Variants in TAF3 observed in about 807,000 individuals in gnomAD.
TAF3 encodes the protein TATA-box binding protein associated factor 3.
TAF3 carries 7 observed loss-of-function variants against 80.6 expected under a neutral mutation model. That is an observed-to-expected ratio of 0.09 (90% CI 0.05 to 0.16). TAF3 has a LOEUF of 0.16. TAF3 is among the 10% of genes least tolerant of loss of function. The pLI, the probability that TAF3 is intolerant of heterozygous loss-of-function variation, is 1.00. For missense variants in TAF3, 921 were observed against 1,140.2 expected, an observed-to-expected ratio of 0.81 and a Z score of 2.77; for synonymous variants, 444 against 446.1, an observed-to-expected ratio of 1.00 and a Z score of 0.06.
chr10:7,978,123 A>G (rs1305953351), intron 4 of TAF3, among the ~76,000 whole-genome samples: 1 of 152,196 alleles, frequency 6.6e-6, no homozygotes, highest in African/African-American at 2.4e-5. Context: ...AAATTCTACA[A>G]CCTTACTTTT....
At chr10:7,857,460 T>C (rs1410466767) in intron 2 of TAF3, among the ~76,000 whole-genome samples, 1 of 152,206 alleles carries the variant, frequency 6.6e-6, no homozygotes, top group African/African-American at 2.4e-5. Context: ...AGAGTAGCCA[T>C]GGGTACCCCC....
intron 2 of TAF3, among the ~76,000 whole-genome samples, chr10:7,940,712 T>C (rs1837967993): frequency 6.6e-6 from 1 of 152,310 alleles, no homozygotes; most frequent in Admixed American, 6.5e-5. Flanking sequence ...CCTAGCACTT[T>C]GGGAGGCTGA....
intron 2 of TAF3, among the ~76,000 whole-genome samples, chr10:7,879,759 T>C (rs1467840857): frequency 6.6e-6 from 1 of 152,232 alleles, no homozygotes. Context: ...AAAATATTGT[T>C]TTGATTTTGG....
intron 2 of TAF3, among the ~76,000 whole-genome samples, chr10:7,832,708 C>A (rs934112909): frequency 6.6e-6 from 1 of 152,108 alleles, no homozygotes; most frequent in Admixed American, 6.5e-5. Flanking sequence ...CACCACCACA[C>A]CCGGCTAATT....
chr10:8,000,378 A>AAGTGCTG lies in TAF3; in HGVS notation c.2316-8699_2316-8693dup, dbSNP rs561123275. On this transcript the variant is annotated intron_variant, in intron 4 of 6. Transcript: ENST00000344293. The stretch of plus-strand genomic sequence containing the variant: ...GTGATCCGCCTGTGTTGGCCTCCCA[A>AAGTGCTG]AGTGCTGGGATTACAAGTGTGAGCC... 3.0e-3 allele frequency among the ~76,000 whole-genome samples: 455 copies of AAGTGCTG among 152,122 alleles called. 2 individuals are homozygous for AAGTGCTG. Among genetic ancestry groups the AAGTGCTG allele is most frequent in the African/African-American group, 0.01 (421 of 41,518 alleles).
At chr10:7,828,389 T>C (rs1836764806) in intron 2 of TAF3, among the ~76,000 whole-genome samples, 1 of 152,192 alleles carries the variant, frequency 6.6e-6, no homozygotes, top group African/African-American at 2.4e-5. Context: ...GATGAGGAGA[T>C]GATGTGGAAG....
chr10:7,865,332 A>G (rs1460403956), intron 2 of TAF3, among the ~76,000 whole-genome samples: 1 of 152,140 alleles, frequency 6.6e-6, no homozygotes, highest in East Asian at 1.9e-4. Context: ...ACAAAAAATT[A>G]GCCAGGTATG....
intron 4 of TAF3, among the ~76,000 whole-genome samples, chr10:8,006,526 G>A (rs1232318689): frequency 6.6e-6 from 1 of 152,218 alleles, no homozygotes; most frequent in Non-Finnish European, 1.5e-5. Context: ...CATTTATGAA[G>A]TGTCTGCTGC....
chr10:8,004,336 A>G (rs1831972514), intron 4 of TAF3, among the ~76,000 whole-genome samples: 3 of 152,178 alleles, frequency 2.0e-5, no homozygotes, highest in African/African-American at 4.8e-5. Flanking sequence ...GCATGAGCCA[A>G]TGTGCCTGGT....
In TAF3 at chr10:7,863,626, A is replaced by AT. The variant is rs1554778359; in HGVS notation, c.409+39066_409+39067insT. On this transcript the variant is annotated intron_variant, in intron 2 of 6. Coordinates refer to ENST00000344293, the MANE Select transcript of TAF3 (RefSeq NM_031923.4). Reference sequence around the variant, plus strand: ...CTCTGTCTAAAAAAAAAAAAAAAAAAATATATATATATATATATATACACA... The same window carrying AT: ...CTCTGTCTAAAAAAAAAAAAAAAAAATATATATATATATATATATATACACA... Among the ~76,000 whole-genome samples, 316 of 48,098 alleles carry AT rather than the reference A, an allele frequency of 6.6e-3. 40 individuals carry two copies. Among genetic ancestry groups the AT allele is most frequent in the Non-Finnish European group, 8.0e-3 (205 of 25,658 alleles). 31.6% of individuals were successfully genotyped at this position (48,098 alleles called of 152,430 possible).
intron 2 of TAF3, among the ~76,000 whole-genome samples, chr10:7,953,270 T>G (rs1381174936): frequency 3.9e-5 from 6 of 152,180 alleles, no homozygotes. Context: ...CACAGCAACA[T>G]TTTAAAGATA....
At chr10:7,954,565 A>C (rs74913168) in intron 2 of TAF3, among the ~76,000 whole-genome samples, 52 of 132,722 alleles carry the variant, frequency 3.9e-4, no homozygotes, top group African/African-American at 6.1e-4. Flanking sequence ...AGAGCTCTCC[A>C]TAGTGAGATT....
At chr10:7,824,981 G>A (rs182414815) in intron 2 of TAF3, among the ~76,000 whole-genome samples, 43 of 152,298 alleles carry the variant, frequency 2.8e-4, no homozygotes, top group African/African-American at 9.6e-4. Context: ...TGAGTGAATC[G>A]TGAGTATTCA....
At chr10:7,947,085 C>G (rs985970769) in intron 2 of TAF3, among the ~76,000 whole-genome samples, 1 of 152,110 alleles carries the variant, frequency 6.6e-6, no homozygotes, top group Non-Finnish European at 1.5e-5. Flanking sequence ...CTTATACTTG[C>G]TTATACTTTC....
chr10:7,955,272 A>G (rs1838124345), intron 2 of TAF3, among the ~76,000 whole-genome samples: 1 of 152,236 alleles, frequency 6.6e-6, no homozygotes, highest in African/African-American at 2.4e-5. Flanking sequence ...ATCTATTATA[A>G]AAACAGTGAC....
intron 2 of TAF3, among the ~76,000 whole-genome samples, chr10:7,925,030 T>G (rs979054811): frequency 6.0e-4 from 92 of 152,354 alleles, no homozygotes; most frequent in African/African-American, 2.1e-3. Context: ...ATATAAATAA[T>G]TTTTTAATTC....
intron 2 of TAF3, among the ~76,000 whole-genome samples, chr10:7,897,800 T>C (rs1041100379): frequency 1.3e-5 from 2 of 151,884 alleles, no homozygotes; most frequent in African/African-American, 4.8e-5. Context: ...GCTGGGACCA[T>C]AGGCGTGTGC....
At chr10:7,844,298 G>C (rs1367934300) in intron 2 of TAF3, among the ~76,000 whole-genome samples, 5 of 151,424 alleles carry the variant, frequency 3.3e-5, no homozygotes, top group African/African-American at 1.2e-4. Context: ...ATTATTACTA[G>C]AGTCCCAGTA....
At chr10:7,994,864 A>G (rs1223168334) in intron 4 of TAF3, among the ~76,000 whole-genome samples, 1 of 150,780 alleles carries the variant, frequency 6.6e-6, no homozygotes, top group Non-Finnish European at 1.5e-5. Flanking sequence ...AATCCCAGCT[A>G]CTCGGGAGGC....
Sources: allele counts gnomAD v4.1 joint callset (sites outside exome capture counted in the v4.1 genomes callset), GRCh38; gene constraint gnomAD v4.1.1; transcripts MANE v1.5; gene names NCBI Gene and HGNC (gene_info 2026-07-23, HGNC 2026-07-21).